The following PLEKHM3 variants were observed in gnomAD, a reference collection of about 807,000 sequenced individuals.
PLEKHM3 encodes pleckstrin homology domain-containing family M member 3.
In PLEKHM3, 45 loss-of-function variants were observed where a neutral mutation model predicts 81.8. That is an observed-to-expected ratio of 0.55 (90% CI 0.43 to 0.71). The LOEUF is 0.71. PLEKHM3 is among the 30% of genes least tolerant of loss of function. PLEKHM3 has a pLI of 0.00. For missense variants in PLEKHM3, 788 were observed against 924.3 expected (o/e 0.85, Z 1.91); for synonymous variants, 352 against 356.4 (o/e 0.99, Z 0.14).
intron 6 of PLEKHM3, among the ~76,000 whole-genome samples, chr2:207,877,531 A>G (rs916059714): frequency 6.6e-6 from 1 of 152,156 alleles, no homozygotes; most frequent in African/African-American, 2.4e-5. Flanking sequence ...AAAGGATTTT[A>G]CTTCGTTCCT....
intron 7 of PLEKHM3, among the ~76,000 whole-genome samples, chr2:207,844,688 G>A (rs2092373857): frequency 6.6e-6 from 1 of 152,144 alleles, no homozygotes; most frequent in African/African-American, 2.4e-5. Context: ...CATTAAATGT[G>A]GTGGTGATGA....
intron 7 of PLEKHM3, 37 bp from the exon 8 acceptor site, chr2:207,828,533 G>A (rs1356519128): frequency 4.4e-6 from 7 of 1,598,384 alleles, no homozygotes; most frequent in African/African-American, 1.3e-5. Context: ...GAGCAAGACT[G>A]AAGCCAGCAA....
Position 208,001,552 on chromosome 2 carries a change from C to T in PLEKHM3, c.88G>A (p.Ala30Thr). The T allele has an allele frequency of 6.2e-7, 1 of 1,614,190 alleles. No homozygotes were observed. The highest frequency in any genetic ancestry group is 8.5e-7 in the Non-Finnish European group (1 of 1,180,030). Residue 30 changes from alanine (A) to threonine (T), a missense_variant, in exon 2 of 8, where the codon GCT becomes ACT. Coordinates refer to ENST00000427836, the MANE Select transcript of PLEKHM3 (RefSeq NM_001080475.3). ...CCATAAACCTCTGCCTGCTGCACAG[C>T]CTTTTCTAGATTACTATCCAAAGTA... Reference protein sequence around the residue: ...FSTLDSNLEKAVQQAEVYGIQ... With the variant: ...FSTLDSNLEKTVQQAEVYGIQ...
chr2:207,937,811 A>T (rs1462709778), intron 4 of PLEKHM3, among the ~76,000 whole-genome samples: 1 of 152,238 alleles, frequency 6.6e-6, no homozygotes, highest in Non-Finnish European at 1.5e-5. Flanking sequence ...TATCATAAAA[A>T]TTCATAGCCA....
chr2:207,851,131 G>A (rs2092409894), intron 7 of PLEKHM3: 1 of 119,766 alleles, frequency 8.3e-6, no homozygotes, highest in Non-Finnish European at 1.6e-5. Context: ...CCAGCCTGGT[G>A]ACGGAGAGAG....
chr2:207,991,749 A>G (rs924992968), intron 2 of PLEKHM3, among the ~76,000 whole-genome samples: 1 of 152,168 alleles, frequency 6.6e-6, no homozygotes, highest in Non-Finnish European at 1.5e-5. Flanking sequence ...CTTTGTACCA[A>G]TGATGGGAGA....
chr2:207,868,073 G>C (rs953818859), intron 6 of PLEKHM3, among the ~76,000 whole-genome samples: 4 of 152,100 alleles, frequency 2.6e-5, no homozygotes, highest in Non-Finnish European at 4.4e-5. Flanking sequence ...TTTGAACTCT[G>C]CTATGTCAAC....
intron 7 of PLEKHM3, among the ~76,000 whole-genome samples, chr2:207,846,137 G>A (rs2092380766): frequency 6.6e-6 from 1 of 152,106 alleles, no homozygotes. Flanking sequence ...TCCTAGTCCA[G>A]TGATCTTTTT....
rs1442904468 is a variant in PLEKHM3, at chr2:207,949,588, G to C, written c.1547-3076C>G. ...GAAAGAAAGAATGAACTGTGGAACA[G>C]AGTTCAGTGGAACTTAATATATCCT... On this transcript the variant is annotated intron_variant, in intron 3 of 7. Transcript: ENST00000427836. Among the ~76,000 whole-genome samples the C allele has an allele frequency of 2.0e-5, 3 of 152,172 alleles. No homozygotes were observed. The East Asian group carries it at 5.8e-4, about 29-fold the overall frequency.
Position 207,930,544 on chromosome 2 carries a change from T to G in PLEKHM3, c.1886+382A>C, listed in dbSNP as rs557359233. Among the ~76,000 whole-genome samples, 10 of 152,282 alleles carry G rather than the reference T, an allele frequency of 6.6e-5. No individual in the cohort carries two copies. The South Asian group carries it at 2.1e-3, about 32-fold the overall frequency. On this transcript the variant is annotated intron_variant, in intron 5 of 7. Transcript: ENST00000427836. ...AACTATTTTAAACATGCTTATTTTT[T>G]GCTGATGAGAAACAGGAATTGAAAT...
intron 3 of PLEKHM3, among the ~76,000 whole-genome samples, chr2:207,961,113 G>C (rs1316069247): frequency 1.3e-5 from 2 of 152,212 alleles, no homozygotes. Context: ...ACTATAAACA[G>C]AAGACCAAGC....
chr2:207,888,655 A>G (rs1469092800), intron 6 of PLEKHM3, among the ~76,000 whole-genome samples: 1 of 152,134 alleles, frequency 6.6e-6, no homozygotes, highest in African/African-American at 2.4e-5. Flanking sequence ...CGGCCTCCCA[A>G]AGTGCTGGGA....
Position 207,901,256 on chromosome 2 carries a change from C to T in PLEKHM3, c.1950+7258G>A, listed in dbSNP as rs1034976490. Reference sequence around the variant, plus strand: ...TGCCACATCCCGTGCCGAGCTCCCCCGATCCTTCAATCATCTGTGGATCAG... The same window carrying T: ...TGCCACATCCCGTGCCGAGCTCCCCTGATCCTTCAATCATCTGTGGATCAG... On this transcript the variant is annotated intron_variant, in intron 6 of 7. Coordinates refer to ENST00000427836, the MANE Select transcript of PLEKHM3 (RefSeq NM_001080475.3). The T allele has an allele frequency of 1.0e-5, 7 of 703,018 alleles. No individual in the cohort carries two copies. The Admixed American group carries it at 1.0e-4, about 10-fold the overall frequency. The allele number at this position is 703,018 out of a possible 1,614,324, so 43.5% of individuals were successfully genotyped here. A position where few individuals can be genotyped will look rare whatever the true frequency, so the allele number is the denominator to read the frequency against.
chr2:207,923,653 G>T (rs973643298), intron 5 of PLEKHM3, among the ~76,000 whole-genome samples: 2 of 150,736 alleles, frequency 1.3e-5, no homozygotes, highest in African/African-American at 2.4e-5. Flanking sequence ...TTGAAATAAG[G>T]TGATGAGAGT....
In PLEKHM3 at chr2:207,828,149, G is replaced by A. The variant is rs567199769; in HGVS notation, c.*170C>T. The A allele has an allele frequency of 6.4e-6, 3 of 466,440 alleles. No homozygotes were observed. Among genetic ancestry groups the A allele is most frequent in the South Asian group, 6.2e-5 (1 of 16,240 alleles). 28.9% of individuals were successfully genotyped at this position (466,440 alleles called of 1,614,324 possible). On this transcript the variant is annotated 3_prime_UTR_variant, in exon 8 of 8. Transcript: ENST00000427836. The stretch of plus-strand genomic sequence containing the variant: ...GGACAATGATGTACACAGAGCATAC[G>A]TACAGGACGTATAGGTATTTGCGTA...
rs149588922 is a variant in PLEKHM3 at position 207,977,501 on chromosome 2, A to T, written c.696T>A (p.Tyr232Ter). 6.2e-7 allele frequency: 1 copy of T among 1,614,220 alleles called. No homozygotes were observed. Among genetic ancestry groups the T allele is most frequent in the Non-Finnish European group, 8.5e-7 (1 of 1,180,028 alleles). ...KDHDSYWQSC[Y>*]AELSPYNLYF... The stretch of plus-strand genomic sequence containing the variant: ...ATAAGTTGTAAGGTGAAAGTTCTGC[A>T]TAACAGCTTTGCCAGTAACTGTCAT... The change falls in exon 3 of 8, where the codon TAT becomes TAA. Residue 232 changes from tyrosine to a stop codon, truncating the protein, a stop_gained. Coordinates refer to ENST00000427836, the MANE Select transcript of PLEKHM3 (RefSeq NM_001080475.3). LOFTEE classifies it high-confidence loss of function.
intron 3 of PLEKHM3, among the ~76,000 whole-genome samples, chr2:207,947,555 T>C (rs1441184902): frequency 2.0e-5 from 3 of 152,240 alleles, no homozygotes; most frequent in African/African-American, 7.2e-5. Flanking sequence ...AACAGCATCA[T>C]TAATCTGACA....
intron 5 of PLEKHM3, among the ~76,000 whole-genome samples, chr2:207,925,255 C>A (rs902915583): frequency 1.3e-4 from 19 of 151,698 alleles, no homozygotes; most frequent in African/African-American, 4.4e-4. Flanking sequence ...CCTGAGGGAT[C>A]CGGGTAGATC....
intron 3 of PLEKHM3, among the ~76,000 whole-genome samples, chr2:207,966,844 C>T (rs1437147295): frequency 6.6e-6 from 1 of 152,076 alleles, no homozygotes; most frequent in Non-Finnish European, 1.5e-5. Context: ...TGAGCCACCC[C>T]GCACCCAGCC....
Sources: allele counts gnomAD v4.1 joint callset (sites outside exome capture counted in the v4.1 genomes callset), GRCh38; gene constraint gnomAD v4.1.1; transcripts MANE v1.5; gene names NCBI Gene and HGNC (gene_info 2026-07-23, HGNC 2026-07-21).